SYN3: variants seen among roughly 807,000 people sequenced by gnomAD.
SYN3 encodes synapsin-3.
A neutral mutation model predicts 65.8 loss-of-function variants in SYN3; 35 were observed. The observed-to-expected ratio is 0.53, with a 90% CI of 0.41 to 0.70. The LOEUF is 0.70. Among genes scored for constraint, SYN3 ranks in the 30% least tolerant of loss-of-function variants. The probability of loss-of-function intolerance (pLI) is 0.00; values close to 1 mark genes in which losing one functional copy is unlikely to be tolerated. For synonymous variants in SYN3, 270 were observed against 292.9 expected (o/e 0.92, Z 0.80); for missense variants, 680 against 749.0 (o/e 0.91, Z 1.08).
chr22:32,820,269 C>CGTGTGT (rs374591413), intron 6 of SYN3, among the ~76,000 whole-genome samples: 2 of 145,006 alleles, frequency 1.4e-5, no homozygotes, highest in East Asian at 2.0e-4. Context: ...TGTGCGTGCG[C>CGTGTGT]GTGTGTGTGT....
At chr22:32,842,817 A>G (rs1260212441) in intron 6 of SYN3, among the ~76,000 whole-genome samples, 1 of 152,096 alleles carries the variant, frequency 6.6e-6, no homozygotes, top group Non-Finnish European at 1.5e-5. Context: ...GCTGATGGCG[A>G]TGACTTCTAG....
At position 32,679,193 on chromosome 22, in the gene SYN3, C is replaced by T. The variant is rs1459291646; in HGVS notation, c.712-82457G>A. 2.6e-5 allele frequency among the ~76,000 whole-genome samples: 4 copies of T among 151,782 alleles called. No individual in the cohort carries two copies. The East Asian group carries it at 5.8e-4, about 22-fold the overall frequency. On this transcript the variant is annotated intron_variant, in intron 6 of 13. Coordinates refer to ENST00000358763, the MANE Select transcript of SYN3 (RefSeq NM_003490.4). ...TCAGCCTCCCGAGTAGCTGGGACTA[C>T]AGGCACCCACAACCACATCCAGCTA...
rs182154261 is a variant in SYN3, at chr22:32,845,381, G to C, written c.711+19534C>G. 5.5e-3 allele frequency among the ~76,000 whole-genome samples: 844 copies of C among 152,078 alleles called. 5 individuals are homozygous for C. Among genetic ancestry groups the C allele is most frequent in the South Asian group, 0.021 (102 of 4,804 alleles). On this transcript the variant is annotated intron_variant, in intron 6 of 13. Coordinates refer to ENST00000358763, the MANE Select transcript of SYN3 (RefSeq NM_003490.4). The stretch of plus-strand genomic sequence containing the variant: ...CTAATTTTTGTATTTTAGTAGAGAT[G>C]GGGTTTCACCATGCTGGCCAGGATG...
chr22:32,944,002 A>G (rs1298685127), intron 3 of SYN3, among the ~76,000 whole-genome samples: 1 of 152,206 alleles, frequency 6.6e-6, no homozygotes, highest in Non-Finnish European at 1.5e-5. Context: ...TAATAATGGA[A>G]GACTTTAACA....
At chr22:32,712,818 C>T (rs920962813) in intron 6 of SYN3, among the ~76,000 whole-genome samples, 4 of 152,164 alleles carry the variant, frequency 2.6e-5, no homozygotes, top group African/African-American at 9.7e-5. Flanking sequence ...GCACTATTCC[C>T]TCTGCCTGGA....
chr22:32,588,204 C>T (rs2059078275), intron 7 of SYN3, among the ~76,000 whole-genome samples: 1 of 152,130 alleles, frequency 6.6e-6, no homozygotes, highest in Non-Finnish European at 1.5e-5. Flanking sequence ...CCTTTCTTTC[C>T]CTTCCTGTTC....
intron 6 of SYN3, among the ~76,000 whole-genome samples, chr22:32,601,889 C>G (rs974912550): frequency 6.6e-6 from 1 of 151,440 alleles, no homozygotes; most frequent in Non-Finnish European, 1.5e-5. Flanking sequence ...TGGGCCTGGA[C>G]TGGGAAGAAA....
At chr22:32,881,389 C>T (rs1009938906) in intron 4 of SYN3, among the ~76,000 whole-genome samples, 26 of 152,236 alleles carry the variant, frequency 1.7e-4, no homozygotes, top group African/African-American at 6.0e-4. Context: ...CACATCTGTG[C>T]TCTGTCGGGT....
chr22:32,807,322 AATATATAATTT>A (rs1244377784), intron 6 of SYN3, among the ~76,000 whole-genome samples: 2 of 94,856 alleles, frequency 2.1e-5, no homozygotes, highest in South Asian at 3.0e-4. Flanking sequence ...ATAATATATA[AATATATAATTT>A]ATATATAATA....
chr22:32,959,952 A>G (rs963697748), intron 3 of SYN3, among the ~76,000 whole-genome samples: 4 of 152,226 alleles, frequency 2.6e-5, no homozygotes, highest in Non-Finnish European at 5.9e-5. Flanking sequence ...CGCATCAAAC[A>G]GAGCAGTAAT....
chr22:32,936,625 T>C lies in SYN3; in HGVS notation c.370-5144A>G, dbSNP rs5998661. Among the ~76,000 whole-genome samples, 114 of 152,252 alleles carry C rather than the reference T, an allele frequency of 7.5e-4. 2 individuals are homozygous for C. Among genetic ancestry groups the C allele is most frequent in the African/African-American group, 2.6e-3 (107 of 41,546 alleles). ...AGGAAAAAGCCATTAGGAAACAATCTCCAGAATCCACAGAGCTGGGAAGAA... is the reference window on the plus strand; with the variant it reads ...AGGAAAAAGCCATTAGGAAACAATCCCCAGAATCCACAGAGCTGGGAAGAA... On this transcript the variant is annotated intron_variant, in intron 3 of 13. Coordinates refer to ENST00000358763, the MANE Select transcript of SYN3 (RefSeq NM_003490.4).
chr22:33,025,822 C>T (rs1056908668), intron 1 of SYN3, among the ~76,000 whole-genome samples: 1 of 152,170 alleles, frequency 6.6e-6, no homozygotes, highest in Non-Finnish European at 1.5e-5. Flanking sequence ...AGCTGAGTGA[C>T]TCTCCTGCCC....
chr22:33,014,135 C>A (rs929267807), intron 1 of SYN3, among the ~76,000 whole-genome samples: 1 of 151,780 alleles, frequency 6.6e-6, no homozygotes, highest in Non-Finnish European at 1.5e-5. Context: ...AGGCTGGTCT[C>A]GAGCTCCCGG....
chr22:32,810,257 G>A (rs538294331), intron 6 of SYN3, among the ~76,000 whole-genome samples: 1 of 152,288 alleles, frequency 6.6e-6, no homozygotes, highest in South Asian at 2.1e-4. Context: ...CCCATTTAGA[G>A]GCCATCTGTG....
intron 1 of SYN3, among the ~76,000 whole-genome samples, chr22:33,052,786 C>T (rs973622445): frequency 6.6e-6 from 1 of 152,220 alleles, no homozygotes; most frequent in Admixed American, 6.5e-5. Context: ...CTTCTAGGTG[C>T]TTAACCCTTT....
At chr22:32,865,732 G>C (rs1013764755) in intron 5 of SYN3, among the ~76,000 whole-genome samples, 2 of 152,178 alleles carry the variant, frequency 1.3e-5, no homozygotes, top group Non-Finnish European at 2.9e-5. Flanking sequence ...TCAAAGGTGA[G>C]CTCTGTCGCT....
intron 2 of SYN3, among the ~76,000 whole-genome samples, chr22:33,003,716 G>A (rs8140234): frequency 6.6e-6 from 1 of 152,200 alleles, no homozygotes; most frequent in East Asian, 1.9e-4. Flanking sequence ...CATTTGCTGG[G>A]GAGAAATTCA....
intron 13 of SYN3, among the ~76,000 whole-genome samples, chr22:32,516,290 T>C (rs2097312): frequency 0.55 from 83,446 of 151,880 alleles, 25,699 homozygotes; most frequent in East Asian, 0.92. Flanking sequence ...GGGATGGGGG[T>C]AGCAAAGCGT....
chr22:32,739,059 C>T (rs2061368473), intron 6 of SYN3, among the ~76,000 whole-genome samples: 1 of 151,872 alleles, frequency 6.6e-6, no homozygotes, highest in East Asian at 1.9e-4. Context: ...GGGGATGTTA[C>T]TTATTGTGTC....
Sources: gnomAD v4.1 joint callset for allele counts (sites outside exome capture counted in the v4.1 genomes callset) on GRCh38, gnomAD v4.1.1 for gene constraint, MANE v1.5 for transcripts, NCBI Gene and HGNC (gene_info 2026-07-23, HGNC 2026-07-21) for gene names.